WFDC11: variants seen among roughly 807,000 people sequenced by gnomAD.
The protein encoded by WFDC11 is protein WFDC11.
WFDC11 carries 9 observed loss-of-function variants against 9.9 expected under a neutral mutation model. That is an observed-to-expected ratio of 0.91 (90% CI 0.55 to 1.58). The LOEUF (loss-of-function observed/expected upper bound fraction) is 1.58. Among genes scored for constraint, WFDC11 ranks in the 40% most tolerant of loss-of-function variants. The probability of loss-of-function intolerance (pLI) is 0.00; values close to 1 mark genes in which losing one functional copy is unlikely to be tolerated. For missense variants in WFDC11, 106 were observed against 101.7 expected, an observed-to-expected ratio of 1.04 and a Z score of -0.18; for synonymous variants, 32 against 33.3, an observed-to-expected ratio of 0.96 and a Z score of 0.13.
In WFDC11 at chr20:45,649,303, T is replaced by C. The variant is rs1982750382; in HGVS notation, c.197A>G (p.Tyr66Cys). The change falls in exon 4 of 5, where the codon TAC (tyrosine) becomes TGC (cysteine). Residue 66 changes from tyrosine (Y) to cysteine (C), a missense_variant. Physicochemically the swap from Tyr to Cys is radical, Grantham distance 194. Transcript: ENST00000324384. ...SKAFRCKDKNYTCCWTYCGNI... is the reference protein window; with the variant it reads ...SKAFRCKDKNCTCCWTYCGNI... ...TCCACAATAGGTCCAGCAGCATGTG[T>C]AATTTTTGTCTTTACATCTAAAGGC... 1 of 1,614,068 alleles carries C rather than the reference T, an allele frequency of 6.2e-7. No individual in the cohort carries two copies. The highest frequency in any genetic ancestry group is 1.7e-5 in the Admixed American group (1 of 60,002).
intron 2 of WFDC11, among the ~76,000 whole-genome samples, chr20:45,651,871 C>T (rs896821052): frequency 2.0e-5 from 3 of 150,036 alleles, no homozygotes; most frequent in Non-Finnish European, 1.5e-5. Context: ...AACTGCAAGG[C>T]GGCAGCGAGG....
At chr20:45,651,398 G>A (rs1382501109) in intron 2 of WFDC11, among the ~76,000 whole-genome samples, 2 of 151,946 alleles carry the variant, frequency 1.3e-5, no homozygotes, top group African/African-American at 2.4e-5. Context: ...TTGTTTGTTT[G>A]TTTGTTTTTG....
At chr20:45,664,895 T>G (rs546988298) in intron 2 of WFDC11, among the ~76,000 whole-genome samples, 2 of 152,306 alleles carry the variant, frequency 1.3e-5, no homozygotes, top group South Asian at 4.1e-4. Flanking sequence ...ATTTGTGTCT[T>G]GGGGTTGCTC....
At chr20:45,654,603 G>A (rs754229323) in intron 2 of WFDC11, among the ~76,000 whole-genome samples, 1 of 152,160 alleles carries the variant, frequency 6.6e-6, no homozygotes, top group African/African-American at 2.4e-5. Context: ...GAAGGAAATA[G>A]AGACATAAAA....
intron 2 of WFDC11, among the ~76,000 whole-genome samples, chr20:45,654,930 G>A (rs1247859155): frequency 2.0e-5 from 3 of 152,142 alleles, no homozygotes; most frequent in African/African-American, 7.2e-5. Context: ...TGAAATAGAG[G>A]CAATAATTAA....
At chr20:45,667,849 A>T (rs780471125) in intron 1 of WFDC11, among the ~76,000 whole-genome samples, 33 of 152,216 alleles carry the variant, frequency 2.2e-4, no homozygotes, top group Non-Finnish European at 4.4e-4. Context: ...AGTGCTATGT[A>T]TGGTTTGCTA....
intron 4 of WFDC11, among the ~76,000 whole-genome samples, chr20:45,649,019 T>A (rs1982744789): frequency 6.6e-6 from 1 of 152,116 alleles, no homozygotes; most frequent in South Asian, 2.1e-4. Flanking sequence ...TATGGTGTAA[T>A]ACAAAGAAGA....
At chr20:45,650,257 G>C (rs1039903025) in intron 3 of WFDC11, among the ~76,000 whole-genome samples, 1 of 152,026 alleles carries the variant, frequency 6.6e-6, no homozygotes, top group Non-Finnish European at 1.5e-5. Flanking sequence ...TAGAGAGAGA[G>C]AGAGAGAGAC....
intron 2 of WFDC11, among the ~76,000 whole-genome samples, chr20:45,653,870 A>G (rs1369182015): frequency 1.3e-5 from 2 of 152,250 alleles, no homozygotes; most frequent in African/African-American, 2.4e-5. Flanking sequence ...CAATTCAACA[A>G]GAAGAGCTAA....
chr20:45,660,188 T>TG (rs1983025626), intron 2 of WFDC11, among the ~76,000 whole-genome samples: 1 of 152,206 alleles, frequency 6.6e-6, no homozygotes, highest in Non-Finnish European at 1.5e-5. Context: ...GCCTTTGCTT[T>TG]ATCCCAGAGG....
intron 2 of WFDC11, among the ~76,000 whole-genome samples, chr20:45,655,266 G>C (rs1350573583): frequency 1.3e-5 from 2 of 152,152 alleles, no homozygotes; most frequent in Non-Finnish European, 2.9e-5. Flanking sequence ...TGGGATGCAA[G>C]GCTGGTTCAA....
At chr20:45,650,924 G>A (rs747237442) in intron 2 of WFDC11, among the ~76,000 whole-genome samples, 12 of 152,036 alleles carry the variant, frequency 7.9e-5, no homozygotes, top group Non-Finnish European at 1.3e-4. Flanking sequence ...TTTTTAAATC[G>A]TTTATTTTAG....
chr20:45,653,013 A>T (rs1435803819), intron 2 of WFDC11, among the ~76,000 whole-genome samples: 1 of 152,252 alleles, frequency 6.6e-6, no homozygotes. Context: ...ACTCTGCAGG[A>T]TATTATCCAG....
Position 45,649,306 on chromosome 20 carries a change from T to G in WFDC11, c.194A>C (p.Asn65Thr), listed in dbSNP as rs1275053890. Residue 65 changes from asparagine to threonine, a missense_variant, in exon 4 of 5, where the codon AAT (asparagine) becomes ACT (threonine). Physicochemically the swap from Asn to Thr is moderately conservative, Grantham distance 65 (BLOSUM62 0). Coordinates refer to ENST00000324384, the MANE Select transcript of WFDC11 (RefSeq NM_147197.2). ...ACAATAGGTCCAGCAGCATGTGTAA[T>G]TTTTGTCTTTACATCTAAAGGCTTT... ...CSKAFRCKDK[N>T]YTCCWTYCGN... 2 of 1,614,152 alleles carry G rather than the reference T, an allele frequency of 1.2e-6. No homozygotes were observed. The highest frequency in any genetic ancestry group is 1.7e-5 in the Admixed American group (1 of 60,028).
In WFDC11 at chr20:45,649,463, C is replaced by G. The variant is rs1239782609; in HGVS notation, c.101-64G>C. 7 of 1,576,634 alleles carry G rather than the reference C, an allele frequency of 4.4e-6. No individual in the cohort carries two copies. In the South Asian group the frequency reaches 4.6e-5, roughly 10 times the overall value. On this transcript the variant is annotated intron_variant, in intron 3 of 4. Coordinates refer to ENST00000324384, the MANE Select transcript of WFDC11 (RefSeq NM_147197.2). ...TTTCAGCCAAGAGCGGAAAGAAAGG[C>G]CTTTCATACGTTTAACAGTTCCTCC...
chr20:45,667,845 A>G (rs1216000750), intron 1 of WFDC11, among the ~76,000 whole-genome samples: 3 of 152,222 alleles, frequency 2.0e-5, no homozygotes, highest in Admixed American at 1.3e-4. Context: ...AAGCAGTGCT[A>G]TGTATGGTTT....
intron 3 of WFDC11, 122 bp from the exon 4 acceptor site, chr20:45,649,521 T>G: frequency 8.0e-7 from 1 of 1,251,790 alleles, no homozygotes; most frequent in Non-Finnish European, 1.1e-6. Flanking sequence ...AACCAAGATA[T>G]CTATTTGCCT....
chr20:45,659,583 G>T (rs772990721), intron 2 of WFDC11, among the ~76,000 whole-genome samples: 1 of 152,094 alleles, frequency 6.6e-6, no homozygotes, highest in African/African-American at 2.4e-5. Context: ...TTGTAAATGT[G>T]TTTAAGTTCT....
At chr20:45,649,508 T>TCCAA in intron 3 of WFDC11, 109 bp from the exon 4 acceptor site, 1 of 1,364,276 alleles carries the variant, frequency 7.3e-7, no homozygotes, top group Non-Finnish European at 1.0e-6. Flanking sequence ...GGCCCCAAAT[T>TCCAA]CCAACCAAGA....
Sources: gnomAD v4.1 joint callset for allele counts (sites outside exome capture counted in the v4.1 genomes callset) on GRCh38, gnomAD v4.1.1 for gene constraint, MANE v1.5 for transcripts, NCBI Gene and HGNC (gene_info 2026-07-23, HGNC 2026-07-21) for gene names.